Variants in DCDC1 observed in about 807,000 individuals in gnomAD.
The protein encoded by DCDC1 is doublecortin domain-containing protein 1.
A neutral mutation model predicts 178.3 loss-of-function variants in DCDC1; 200 were observed. The observed-to-expected ratio is 1.12, with a 90% CI of 1.00 to 1.26. The LOEUF is 1.26. DCDC1 is among the 50% of genes most tolerant of loss of function. The pLI is 0.00. For synonymous variants in DCDC1, 690 were observed against 604.8 expected (o/e 1.14, Z -2.07); for missense variants, 1,983 against 1,749.2 (o/e 1.13, Z -2.38).
intron 8 of DCDC1, among the ~76,000 whole-genome samples, chr11:31,254,901 C>T (rs1202850562): frequency 2.0e-5 from 3 of 152,128 alleles, no homozygotes; most frequent in Admixed American, 6.6e-5. Context: ...CAAAATATTT[C>T]CATCATTCCA....
Position 31,305,633 on chromosome 11 carries a change from G to A in DCDC1, c.736C>T (p.Pro246Ser), listed in dbSNP as rs772887215. 6.2e-7 allele frequency: 1 copy of A among 1,613,334 alleles called. No homozygotes were observed. The highest frequency in any genetic ancestry group is 8.5e-7 in the Non-Finnish European group (1 of 1,179,566). Residue 246 changes from proline (P) to serine (S), a missense_variant, in exon 6 of 39, where the codon CCA (proline) becomes TCA (serine). Pro to Ser is a moderately conservative substitution (Grantham distance 74). Transcript: ENST00000684477. Reference protein sequence around the residue: ...YVSTGEPFLNPFKKIKDHLLL... With the variant: ...YVSTGEPFLNSFKKIKDHLLL... ...TTTTTACCTTTAATTTTTTTGAATG[G>A]ATTTAAAAAGGGCTCTCCCGTTGAA...
intron 17 of DCDC1, among the ~76,000 whole-genome samples, chr11:31,079,514 G>T (rs1002958726): frequency 1.3e-5 from 2 of 152,184 alleles, no homozygotes; most frequent in African/African-American, 4.8e-5. Context: ...ATAGCTGGTT[G>T]GTCAGGAGTA....
chr11:31,053,568 C>T (rs1211706031), intron 20 of DCDC1, among the ~76,000 whole-genome samples: 3 of 152,056 alleles, frequency 2.0e-5, no homozygotes, highest in Non-Finnish European at 4.4e-5. Context: ...AACATAGATG[C>T]TAAAATCCTT....
At chr11:30,915,932 A>G (rs1341648956) in intron 26 of DCDC1, among the ~76,000 whole-genome samples, 6 of 152,230 alleles carry the variant, frequency 3.9e-5, no homozygotes, top group African/African-American at 1.4e-4. Context: ...TGTAACATAA[A>G]TAAATGTTTA....
chr11:31,313,658 T>C (rs535224717), intron 3 of DCDC1, among the ~76,000 whole-genome samples: 29 of 152,362 alleles, frequency 1.9e-4, no homozygotes, highest in African/African-American at 6.5e-4. Context: ...CTGAATTTTG[T>C]CTTTCCCAAC....
At position 31,151,574 on chromosome 11, in the gene DCDC1, A is replaced by G. The variant is rs577637955; in HGVS notation, c.1222-13790T>C. 3.3e-5 allele frequency among the ~76,000 whole-genome samples: 5 copies of G among 152,354 alleles called. No homozygotes were observed. In the South Asian group the frequency reaches 1.0e-3, roughly 32 times the overall value. The stretch of plus-strand genomic sequence containing the variant: ...TTTTTTCATACTGAAAATATCCATT[A>G]ATCTATTCTAATACAATACAACAAT... On this transcript the variant is annotated intron_variant, in intron 9 of 38. Transcript: ENST00000684477.
chr11:31,141,182 G>A (rs1963781459), intron 9 of DCDC1, among the ~76,000 whole-genome samples: 1 of 152,118 alleles, frequency 6.6e-6, no homozygotes, highest in African/African-American at 2.4e-5. Flanking sequence ...AAATAATACA[G>A]ATTGTGTAAA....
chr11:31,006,224 A>G (rs1426812014), intron 20 of DCDC1, among the ~76,000 whole-genome samples: 1 of 152,050 alleles, frequency 6.6e-6, no homozygotes, highest in Non-Finnish European at 1.5e-5. Flanking sequence ...AATTAGCTTG[A>G]TGACACCACA....
intron 3 of DCDC1, among the ~76,000 whole-genome samples, chr11:31,325,353 T>G (rs948818180): frequency 1.3e-5 from 2 of 152,174 alleles, no homozygotes; most frequent in East Asian, 3.9e-4. Flanking sequence ...AAGTTTACTA[T>G]TGTGCTACTT....
intron 21 of DCDC1, chr11:30,943,430 G>T: frequency 7.7e-6 from 2 of 261,036 alleles, no homozygotes; most frequent in Non-Finnish European, 1.5e-5. Context: ...TTTTAGCTTT[G>T]TTCTGTCTGG....
intron 20 of DCDC1, among the ~76,000 whole-genome samples, chr11:30,999,387 C>T (rs1590711223): frequency 9.2e-5 from 14 of 152,100 alleles, no homozygotes; most frequent in Admixed American, 9.2e-4. Context: ...CTCTATACTA[C>T]CTTTACAATT....
At chr11:30,960,352 A>G (rs1222562929) in intron 20 of DCDC1, among the ~76,000 whole-genome samples, 1 of 152,136 alleles carries the variant, frequency 6.6e-6, no homozygotes, top group East Asian at 1.9e-4. Context: ...CTGTTAATAA[A>G]CATTAACATA....
intron 21 of DCDC1, among the ~76,000 whole-genome samples, chr11:30,948,167 A>G (rs2134449128): frequency 6.6e-6 from 1 of 152,198 alleles, no homozygotes; most frequent in East Asian, 1.9e-4. Flanking sequence ...CTCAGGATAC[A>G]AAATCAATGT....
At chr11:30,919,358 G>C (rs968141318) in intron 25 of DCDC1, among the ~76,000 whole-genome samples, 10 of 152,176 alleles carry the variant, frequency 6.6e-5, no homozygotes, top group Non-Finnish European at 1.3e-4. Flanking sequence ...TTGAGCAAAA[G>C]AGCCTGCTTG....
Position 30,975,001 on chromosome 11 carries a change from G to A in DCDC1, c.2592-22433C>T, listed in dbSNP as rs7930448. 6.0e-3 allele frequency among the ~76,000 whole-genome samples: 916 copies of A among 152,148 alleles called. 8 individuals are homozygous for A. Among genetic ancestry groups the A allele is most frequent in the African/African-American group, 0.021 (877 of 41,536 alleles). ...AAATACTAGCAAACTGAATCCAACA[G>A]TACATTAAAAAGATAACACACCACA... On this transcript the variant is annotated intron_variant, in intron 20 of 38. Transcript: ENST00000684477.
chr11:31,057,630 G>A (rs938591957), intron 20 of DCDC1, among the ~76,000 whole-genome samples: 24 of 152,030 alleles, frequency 1.6e-4, no homozygotes, highest in African/African-American at 5.3e-4. Context: ...CCATACAGAG[G>A]GTAAGGTTTT....
intron 1 of DCDC1, among the ~76,000 whole-genome samples, chr11:31,361,292 C>T (rs1410975947): frequency 6.6e-6 from 1 of 152,130 alleles, no homozygotes; most frequent in African/African-American, 2.4e-5. Context: ...TGGCATGCAT[C>T]TGCAAGGGAT....
At chr11:30,992,713 T>C (rs946271028) in intron 20 of DCDC1, 3 of 152,120 alleles carry the variant, frequency 2.0e-5, no homozygotes, top group African/African-American at 7.2e-5. Flanking sequence ...TTTCAACCAC[T>C]ATGTAAACTG....
intron 9 of DCDC1, among the ~76,000 whole-genome samples, chr11:31,220,401 T>G (rs1974122543): frequency 6.6e-6 from 1 of 152,174 alleles, no homozygotes. Flanking sequence ...AAATTTAAAT[T>G]CACACTGCAA....
Sources: gnomAD v4.1 joint callset for allele counts (sites outside exome capture counted in the v4.1 genomes callset) on GRCh38, gnomAD v4.1.1 for gene constraint, MANE v1.5 for transcripts, NCBI Gene and HGNC (gene_info 2026-07-23, HGNC 2026-07-21) for gene names.